Variants in GPC6 observed in about 807,000 individuals in gnomAD.
The protein encoded by GPC6 is glypican-6.
In GPC6, 14 loss-of-function variants were observed where a neutral mutation model predicts 55.2. The observed-to-expected ratio is 0.25, with a 90% CI of 0.17 to 0.40. The LOEUF is 0.40. Among genes scored for constraint, GPC6 ranks in the 10% least tolerant of loss-of-function variants. The pLI, the probability that GPC6 is intolerant of heterozygous loss-of-function variation, is 1.00. For synonymous variants in GPC6, 278 were observed against 259.6 expected (o/e 1.07, Z -0.68); for missense variants, 641 against 708.5 (o/e 0.90, Z 1.08).
intron 2 of GPC6, among the ~76,000 whole-genome samples, chr13:93,749,857 G>A (rs6492677): frequency 6.6e-6 from 1 of 151,798 alleles, no homozygotes; most frequent in Non-Finnish European, 1.5e-5. Context: ...AATTGAGATG[G>A]ATTAAAATCA....
At chr13:94,014,153 G>A (rs1165868018) in intron 3 of GPC6, among the ~76,000 whole-genome samples, 1 of 152,138 alleles carries the variant, frequency 6.6e-6, no homozygotes, top group Non-Finnish European at 1.5e-5. Context: ...GTTTCAGAGT[G>A]TAGACATTTT....
intron 2 of GPC6, among the ~76,000 whole-genome samples, chr13:93,752,023 C>T (rs1465742707): frequency 2.0e-5 from 3 of 151,980 alleles, no homozygotes; most frequent in Admixed American, 6.6e-5. Flanking sequence ...TATTAATCAG[C>T]TCTATTGTTT....
intron 1 of GPC6, among the ~76,000 whole-genome samples, chr13:93,499,942 G>T (rs776596752): frequency 3.9e-5 from 6 of 152,126 alleles, no homozygotes; most frequent in Non-Finnish European, 5.9e-5. Context: ...GGAGGCTTTT[G>T]CTTGTATCTT....
At chr13:93,380,368 G>C (rs1875107584) in intron 1 of GPC6, among the ~76,000 whole-genome samples, 2 of 152,234 alleles carry the variant, frequency 1.3e-5, no homozygotes, top group African/African-American at 4.8e-5. Flanking sequence ...CGAATAGACT[G>C]ATATTTATGG....
chr13:93,895,448 C>CT (rs1566591155), intron 3 of GPC6, among the ~76,000 whole-genome samples: 1 of 151,382 alleles, frequency 6.6e-6, no homozygotes, highest in Admixed American at 6.6e-5. Flanking sequence ...TGTGGTTAGA[C>CT]TAAATAACTC....
At chr13:93,719,067 C>T (rs1883352012) in intron 2 of GPC6, among the ~76,000 whole-genome samples, 1 of 151,930 alleles carries the variant, frequency 6.6e-6, no homozygotes, top group African/African-American at 2.4e-5. Flanking sequence ...GCTATACGGG[C>T]TGTTTTTTGG....
chr13:93,470,150 A>G (rs566343691), intron 1 of GPC6, among the ~76,000 whole-genome samples: 3 of 150,202 alleles, frequency 2.0e-5, no homozygotes, highest in South Asian at 2.1e-4. Context: ...CTGACAAACT[A>G]TATTCCCATA....
chr13:93,750,928 A>G (rs1011334773), intron 2 of GPC6, among the ~76,000 whole-genome samples: 2 of 152,138 alleles, frequency 1.3e-5, no homozygotes, highest in African/African-American at 4.8e-5. Flanking sequence ...CCAGATGTCC[A>G]GGGGAATCCG....
intron 2 of GPC6, among the ~76,000 whole-genome samples, chr13:93,642,621 A>G (rs1880002645): frequency 6.6e-6 from 1 of 152,078 alleles, no homozygotes; most frequent in Non-Finnish European, 1.5e-5. Flanking sequence ...GAGCTTGCTA[A>G]GAAAACTGAT....
At chr13:93,772,690 C>A (rs2138894599) in intron 2 of GPC6, among the ~76,000 whole-genome samples, 1 of 152,110 alleles carries the variant, frequency 6.6e-6, no homozygotes, top group South Asian at 2.1e-4. Flanking sequence ...CTGATAGAAG[C>A]TGGGGTGTGG....
intron 3 of GPC6, among the ~76,000 whole-genome samples, chr13:93,913,977 C>A (rs1877150453): frequency 6.6e-6 from 1 of 152,158 alleles, no homozygotes; most frequent in Non-Finnish European, 1.5e-5. Flanking sequence ...TCTATGAATA[C>A]CATTTGGCTG....
intron 3 of GPC6, among the ~76,000 whole-genome samples, chr13:93,874,174 A>G (rs1360517029): frequency 1.3e-5 from 2 of 151,940 alleles, no homozygotes; most frequent in East Asian, 3.9e-4. Context: ...CTAGTACCCA[A>G]TAGTTATTTT....
At chr13:94,070,713 A>C (rs963145763) in intron 4 of GPC6, among the ~76,000 whole-genome samples, 5 of 152,176 alleles carry the variant, frequency 3.3e-5, no homozygotes, top group African/African-American at 9.7e-5. Flanking sequence ...TAGTTTTCTA[A>C]CCTTTTAAGA....
chr13:94,025,413 T>G (rs1376891176), intron 3 of GPC6: 12 of 151,966 alleles, frequency 7.9e-5, no homozygotes, highest in Admixed American at 3.9e-4. Flanking sequence ...TTTCCTGTTT[T>G]TTTTTTTTTT....
intron 1 of GPC6, among the ~76,000 whole-genome samples, chr13:93,444,177 A>C (rs550600072): frequency 6.7e-6 from 1 of 149,592 alleles, no homozygotes; most frequent in Non-Finnish European, 1.5e-5. Context: ...TCCAGTAAAA[A>C]GTCAAAATGC....
intron 3 of GPC6, among the ~76,000 whole-genome samples, chr13:93,904,167 T>C (rs1306876501): frequency 6.6e-6 from 1 of 152,132 alleles, no homozygotes; most frequent in East Asian, 1.9e-4. Context: ...AATCCTGGGC[T>C]GTCACCACGT....
chr13:93,797,963 A>G (rs1008511103), intron 2 of GPC6, among the ~76,000 whole-genome samples: 4 of 152,176 alleles, frequency 2.6e-5, no homozygotes, highest in African/African-American at 9.7e-5. Flanking sequence ...TGGGTCAGGT[A>G]AGGAGGAGAG....
chr13:94,284,493 G>A (rs1029620070), intron 4 of GPC6, among the ~76,000 whole-genome samples: 1 of 151,484 alleles, frequency 6.6e-6, no homozygotes, highest in Admixed American at 6.6e-5. Context: ...TAGACATCAT[G>A]TTATTTGTGT....
intron 4 of GPC6, among the ~76,000 whole-genome samples, chr13:94,137,849 G>T (rs935791903): frequency 6.6e-6 from 1 of 152,146 alleles, no homozygotes; most frequent in African/African-American, 2.4e-5. Context: ...AAGAAGGGAG[G>T]TGGAGGGGCC....
Sources: gnomAD v4.1 joint callset for allele counts (sites outside exome capture counted in the v4.1 genomes callset) on GRCh38, gnomAD v4.1.1 for gene constraint, MANE v1.5 for transcripts, NCBI Gene and HGNC (gene_info 2026-07-23, HGNC 2026-07-21) for gene names.